KIAA1217: variants seen among roughly 807,000 people sequenced by gnomAD.
KIAA1217 encodes the protein sickle tail protein homolog.
In KIAA1217, 88 loss-of-function variants were observed where a neutral mutation model predicts 163.9. That is an observed-to-expected ratio of 0.54 (90% CI 0.45 to 0.64). The LOEUF is 0.64. Among genes scored for constraint, KIAA1217 ranks in the 30% least tolerant of loss-of-function variants. KIAA1217 has a pLI of 0.00. For missense variants in KIAA1217, 2,372 were observed against 2,475.0 expected, an observed-to-expected ratio of 0.96 and a Z score of 0.88; for synonymous variants, 903 against 923.1, an observed-to-expected ratio of 0.98 and a Z score of 0.39.
chr10:24,310,578 C>T (rs2042572346), intron 2 of KIAA1217, among the ~76,000 whole-genome samples: 1 of 152,166 alleles, frequency 6.6e-6, no homozygotes, highest in South Asian at 2.1e-4. Flanking sequence ...CACACCACTC[C>T]CCCATCTCTA....
At chr10:24,511,423 A>T (rs1220626678) in intron 9 of KIAA1217, among the ~76,000 whole-genome samples, 2 of 152,090 alleles carry the variant, frequency 1.3e-5, no homozygotes, top group East Asian at 1.9e-4. Context: ...CGGGCAGATC[A>T]CTTGCGGTCA....
chr10:24,546,226 G>A lies in KIAA1217; in HGVS notation c.5734G>A (p.Gly1912Ser), dbSNP rs771309559. Residue 1912 changes from glycine (G) to serine (S), a missense_variant, in exon 21 of 21, where the codon GGC becomes AGC. Gly to Ser is a moderately conservative substitution (Grantham distance 56). This residue lies in a region of KIAA1217 where 690 missense variants were observed against 677.5 expected (regional missense o/e 1.02). Transcript: ENST00000376454. ...CGTCTCACTGAATCAAGGTGCCAAG[G>A]GCACCAGGACCATCCATACTCCCAG... ...SSVSLNQGAK[G>S]TRTIHTPSLT... The A allele has an allele frequency of 3.1e-6, 5 of 1,614,100 alleles. No individual in the cohort carries two copies. The highest frequency in any genetic ancestry group is 4.2e-6 in the Non-Finnish European group (5 of 1,180,030).
intron 1 of KIAA1217, among the ~76,000 whole-genome samples, chr10:23,940,187 C>T (rs1049459542): frequency 3.3e-5 from 5 of 151,764 alleles, no homozygotes; most frequent in African/African-American, 1.2e-4. Context: ...TGGCTGAGTG[C>T]AGTGGCTCAC....
intron 2 of KIAA1217, among the ~76,000 whole-genome samples, chr10:24,231,886 C>T (rs1257849146): frequency 1.3e-5 from 2 of 151,992 alleles, no homozygotes; most frequent in East Asian, 3.9e-4. Flanking sequence ...GCAACCTCCA[C>T]CTCCGGGGTT....
chr10:24,390,673 G>A (rs891058904), intron 3 of KIAA1217, among the ~76,000 whole-genome samples: 7 of 152,196 alleles, frequency 4.6e-5, no homozygotes, highest in Non-Finnish European at 8.8e-5. Context: ...TCTCGCACTT[G>A]ATGTAATGAA....
intron 2 of KIAA1217, among the ~76,000 whole-genome samples, chr10:24,052,640 A>G (rs1442935596): frequency 6.6e-6 from 1 of 152,162 alleles, no homozygotes; most frequent in African/African-American, 2.4e-5. Context: ...TACATTTAAA[A>G]TACTTCTATT....
At position 24,054,564 on chromosome 10, in the gene KIAA1217, A is replaced by G. The variant is rs146202741; in HGVS notation, c.-171+47190A>G. ...AACTCCAGGCCAGGGTATTCTACGC[A>G]TTTCCTCCCAACAGAAACAAATTCA... On this transcript the variant is annotated intron_variant, in intron 2 of 18. Transcript: ENST00000376462. 3.9e-5 allele frequency among the ~76,000 whole-genome samples: 6 copies of G among 152,336 alleles called. No individual in the cohort carries two copies. The East Asian group carries it at 1.2e-3, about 29-fold the overall frequency.
intron 1 of KIAA1217, among the ~76,000 whole-genome samples, chr10:23,827,101 G>A (rs1225468808): frequency 6.6e-6 from 1 of 152,166 alleles, no homozygotes; most frequent in Non-Finnish European, 1.5e-5. Flanking sequence ...TATAGGACAG[G>A]TGCAGTGTGA....
intron 2 of KIAA1217, among the ~76,000 whole-genome samples, chr10:24,355,911 G>C (rs1340497869): frequency 2.0e-5 from 3 of 151,098 alleles, no homozygotes; most frequent in South Asian, 2.1e-4. Context: ...ACCACGCCCG[G>C]CTAATTTTTG....
intron 2 of KIAA1217, among the ~76,000 whole-genome samples, chr10:24,149,232 T>A (rs1303601537): frequency 1.3e-5 from 2 of 152,234 alleles, no homozygotes; most frequent in Non-Finnish European, 2.9e-5. Flanking sequence ...CAGGCTGGAA[T>A]GCAGTCACAC....
intron 3 of KIAA1217, among the ~76,000 whole-genome samples, 187 bp downstream of exon 3, chr10:24,381,254 G>A (rs1165421227): frequency 6.6e-6 from 1 of 152,204 alleles, no homozygotes; most frequent in East Asian, 1.9e-4. Context: ...CAGGTCAAGT[G>A]CAAGCTGATT....
At chr10:23,759,816 G>T (rs1389889115) in intron 1 of KIAA1217, among the ~76,000 whole-genome samples, 2 of 152,126 alleles carry the variant, frequency 1.3e-5, no homozygotes, top group African/African-American at 4.8e-5. Context: ...CCCATGTGTG[G>T]AATTGCCCTC....
At chr10:24,359,254 T>A (rs2049614880) in intron 2 of KIAA1217, among the ~76,000 whole-genome samples, 1 of 151,848 alleles carries the variant, frequency 6.6e-6, no homozygotes, top group East Asian at 1.9e-4. Context: ...AAAACCCAAT[T>A]AATTTTTTGT....
intron 9 of KIAA1217, among the ~76,000 whole-genome samples, chr10:24,510,533 T>G (rs2068954257): frequency 6.6e-6 from 1 of 152,152 alleles, no homozygotes; most frequent in South Asian, 2.1e-4. Flanking sequence ...AGACGGTACC[T>G]CAGACCAGTA....
At chr10:24,486,937 T>A (rs955253808) in intron 6 of KIAA1217, among the ~76,000 whole-genome samples, 3 of 152,236 alleles carry the variant, frequency 2.0e-5, no homozygotes, top group Non-Finnish European at 4.4e-5. Flanking sequence ...TTCCCTAGTA[T>A]GCAGTAGGTG....
At chr10:24,189,159 T>A (rs190123160) in intron 2 of KIAA1217, among the ~76,000 whole-genome samples, 1 of 151,246 alleles carries the variant, frequency 6.6e-6, no homozygotes, top group Non-Finnish European at 1.5e-5. Context: ...ACCTGGAATC[T>A]GGGGATGATG....
intron 2 of KIAA1217, among the ~76,000 whole-genome samples, chr10:24,249,134 C>T (rs1263055382): frequency 6.6e-6 from 1 of 152,196 alleles, no homozygotes; most frequent in East Asian, 1.9e-4. Context: ...CTTTCTCCTT[C>T]TCAAAAGCTA....
intron 2 of KIAA1217, among the ~76,000 whole-genome samples, chr10:24,346,499 G>T (rs2047795263): frequency 6.7e-6 from 1 of 149,288 alleles, no homozygotes; most frequent in African/African-American, 2.5e-5. Flanking sequence ...ATATTTCTTT[G>T]TATGTCTATA....
intron 2 of KIAA1217, chr10:24,367,299 C>G (rs374146292): frequency 1.3e-4 from 35 of 277,238 alleles, no homozygotes; most frequent in Non-Finnish European, 1.9e-4. Flanking sequence ...CAGCCACTAA[C>G]GCCTGCACTT....
Sources: allele counts gnomAD v4.1 joint callset (sites outside exome capture counted in the v4.1 genomes callset), GRCh38; gene constraint gnomAD v4.1.1; regional missense constraint gnomAD v4.1.1; transcripts MANE v1.5; gene names NCBI Gene and HGNC (gene_info 2026-07-23, HGNC 2026-07-21).